ZFYVE9: variants seen among roughly 807,000 people sequenced by gnomAD.
The protein encoded by ZFYVE9 is zinc finger FYVE domain-containing protein 9.
ZFYVE9 carries 43 observed loss-of-function variants against 126.7 expected under a neutral mutation model. The observed-to-expected ratio is 0.34, with a 90% CI of 0.27 to 0.44. ZFYVE9 has a LOEUF of 0.44. Among genes scored for constraint, ZFYVE9 ranks in the 20% least tolerant of loss-of-function variants. ZFYVE9 has a pLI of 1.00. For synonymous variants in ZFYVE9, 521 were observed against 597.4 expected, an observed-to-expected ratio of 0.87 and a Z score of 1.87; for missense variants, 1,476 against 1,697.0, an observed-to-expected ratio of 0.87 and a Z score of 2.29.
At chr1:52,338,610 T>G (rs1646409541) in intron 16 of ZFYVE9, among the ~76,000 whole-genome samples, 1 of 152,242 alleles carries the variant, frequency 6.6e-6, no homozygotes, top group East Asian at 1.9e-4. Flanking sequence ...TTGTTTTGTT[T>G]TTAACATTGC....
chr1:52,153,499 A>T (rs979693740), intron 1 of ZFYVE9, among the ~76,000 whole-genome samples: 1 of 152,188 alleles, frequency 6.6e-6, no homozygotes, highest in African/African-American at 2.4e-5. Context: ...GCATTTGCCC[A>T]TTCATAGTCA....
intron 1 of ZFYVE9, among the ~76,000 whole-genome samples, chr1:52,154,328 T>C (rs557902696): frequency 1.3e-5 from 2 of 152,334 alleles, no homozygotes; most frequent in African/African-American, 4.8e-5. Flanking sequence ...TAATGCTATA[T>C]GGGGGCTTGG....
At chr1:52,269,710 A>G (rs1371689529) in intron 7 of ZFYVE9, among the ~76,000 whole-genome samples, 1 of 151,736 alleles carries the variant, frequency 6.6e-6, no homozygotes, top group Non-Finnish European at 1.5e-5. Context: ...ACTGTGTCTT[A>G]TCCTTCTTTG....
chr1:52,279,127 ACT>A (rs1645777747), intron 9 of ZFYVE9, among the ~76,000 whole-genome samples: 2 of 152,006 alleles, frequency 1.3e-5, no homozygotes, highest in Admixed American at 6.5e-5. Flanking sequence ...ACTAACCGAA[ACT>A]CTCACATTTA....
chr1:52,259,868 A>G (rs922957181), intron 4 of ZFYVE9, among the ~76,000 whole-genome samples: 1 of 152,122 alleles, frequency 6.6e-6, no homozygotes, highest in Admixed American at 6.6e-5. Context: ...TTTCTTTTCC[A>G]TGTCAATCGG....
intron 9 of ZFYVE9, 117 bp downstream of exon 9, chr1:52,278,731 CTTTTTTTT>C (rs377369353): frequency 2.1e-6 from 1 of 480,726 alleles, no homozygotes; most frequent in Non-Finnish European, 3.3e-6. Flanking sequence ...TTTTTTTTTT[CTTTTTTTT>C]TTTTTGAGAC....
chr1:52,293,392 A>G, intron 10 of ZFYVE9, 61 bp from the exon 11 acceptor site: 9 of 1,310,758 alleles, frequency 6.9e-6, no homozygotes, highest in Non-Finnish European at 8.2e-6. Context: ...AAAAAAAAAA[A>G]AAAAAAGAAA....
At chr1:52,215,752 T>A (rs1222253281) in intron 1 of ZFYVE9, among the ~76,000 whole-genome samples, 1 of 152,218 alleles carries the variant, frequency 6.6e-6, no homozygotes, top group African/African-American at 2.4e-5. Flanking sequence ...ATGGATATTG[T>A]CGTATTTTCA....
intron 15 of ZFYVE9, 45 bp downstream of exon 15, chr1:52,334,813 T>C (rs762399276): frequency 7.6e-6 from 12 of 1,585,682 alleles, no homozygotes; most frequent in South Asian, 5.6e-5. Flanking sequence ...ACTGAACTTA[T>C]GTACATAAAG....
intron 2 of ZFYVE9, among the ~76,000 whole-genome samples, chr1:52,230,576 T>C (rs1001810143): frequency 6.6e-6 from 1 of 151,390 alleles, no homozygotes; most frequent in African/African-American, 2.4e-5. Flanking sequence ...TCATCCAGGA[T>C]GGGCAATTTG....
chr1:52,214,335 G>T (rs190620513), intron 1 of ZFYVE9, among the ~76,000 whole-genome samples: 106 of 152,270 alleles, frequency 7.0e-4, no homozygotes, highest in African/African-American at 2.1e-3. Context: ...GCTGAGGCAC[G>T]AGAACTTCTT....
chr1:52,336,610 C>T (rs915637022), intron 15 of ZFYVE9, among the ~76,000 whole-genome samples: 1 of 151,620 alleles, frequency 6.6e-6, no homozygotes, highest in Non-Finnish European at 1.5e-5. Context: ...CCACCAGGCT[C>T]AGCCTCCCGA....
Position 52,266,735 on chromosome 1 carries a change from C to A in ZFYVE9, c.2359C>A (p.Pro787Thr). The A allele has an allele frequency of 1.2e-6, 2 of 1,612,302 alleles. No homozygotes were observed. Among genetic ancestry groups the A allele is most frequent in the Non-Finnish European group, 1.7e-6 (2 of 1,179,290 alleles). The change falls in exon 6 of 19, where the codon CCT (proline) becomes ACT (threonine). Residue 787 changes from proline (P) to threonine (T), a missense_variant. By Grantham distance (38) the Pro-to-Thr change is conservative. Transcript: ENST00000287727. ...NNPAEYCSTI[P>T]PLQQAQASGA... is the part of the protein sequence containing the mutation. ...TCCTGCTGAATACTGTTCTACTATCCCTCCCTTGCAGCAAGCTCAGGCCTC... is the reference window on the plus strand; with the variant it reads ...TCCTGCTGAATACTGTTCTACTATCACTCCCTTGCAGCAAGCTCAGGCCTC...
At chr1:52,332,117 A>G (rs1646348142) in intron 13 of ZFYVE9, among the ~76,000 whole-genome samples, 1 of 152,092 alleles carries the variant, frequency 6.6e-6, no homozygotes, top group South Asian at 2.1e-4. Context: ...ACAAATGATC[A>G]TTAACCTGTT....
chr1:52,306,998 G>A lies in ZFYVE9; in HGVS notation c.3438+3073G>A, dbSNP rs138275448. On this transcript the variant is annotated intron_variant, in intron 13 of 18. Transcript: ENST00000287727. ...GCACAGCCTGCCAGGCTGAGTGGCC[G>A]GAACAAGCCCAGCAGGCCTGAGCAA... Among the ~76,000 whole-genome samples the A allele has an allele frequency of 1.3e-4, 20 of 152,280 alleles. No homozygotes were observed. In the East Asian group the frequency reaches 2.3e-3, roughly 18 times the overall value.
At chr1:52,174,501 C>T (rs1236019549) in intron 1 of ZFYVE9, among the ~76,000 whole-genome samples, 2 of 152,108 alleles carry the variant, frequency 1.3e-5, no homozygotes, top group Non-Finnish European at 2.9e-5. Context: ...GTGGAGAGTT[C>T]TGTAGATATC....
chr1:52,247,760 G>C (rs996869345), intron 4 of ZFYVE9, among the ~76,000 whole-genome samples: 1 of 152,150 alleles, frequency 6.6e-6, no homozygotes, highest in Non-Finnish European at 1.5e-5. Flanking sequence ...GCCTCCTAAA[G>C]TGCTGGGATT....
rs182995504 is a variant in ZFYVE9 at position 52,328,667 on chromosome 1, G to T, written c.3439-4101G>T. Among the ~76,000 whole-genome samples, 10 of 152,276 alleles carry T rather than the reference G, an allele frequency of 6.6e-5. No homozygotes were observed. The East Asian group carries it at 7.7e-4, about 12-fold the overall frequency. Reference sequence around the variant, plus strand: ...TTTAGCCTAATGATTCGGAAGAAATGATTTCTTTAAAATTGTGATCATCTC... The same window carrying T: ...TTTAGCCTAATGATTCGGAAGAAATTATTTCTTTAAAATTGTGATCATCTC... On this transcript the variant is annotated intron_variant, in intron 13 of 18. Transcript: ENST00000287727.
At chr1:52,182,536 A>G (rs1180687251) in intron 1 of ZFYVE9, among the ~76,000 whole-genome samples, 3 of 152,102 alleles carry the variant, frequency 2.0e-5, no homozygotes, top group African/African-American at 7.2e-5. Context: ...TTTGTTAAAC[A>G]GATGCTTGAA....
Sources: allele counts gnomAD v4.1 joint callset (sites outside exome capture counted in the v4.1 genomes callset), GRCh38; gene constraint gnomAD v4.1.1; transcripts MANE v1.5; gene names NCBI Gene and HGNC (gene_info 2026-07-23, HGNC 2026-07-21).